Variants in IGFL2 observed in about 807,000 individuals in gnomAD.
The protein encoded by IGFL2 is IGF like family member 2, also known as insulin growth factor-like family member 2.
Under a neutral mutation model 13.9 loss-of-function variants are expected in IGFL2, and 7 were observed. The observed-to-expected ratio is 0.51, with a 90% CI of 0.29 to 0.95. The LOEUF (loss-of-function observed/expected upper bound fraction) is 0.95. Among genes scored for constraint, IGFL2 ranks in the 40% least tolerant of loss-of-function variants. The pLI is 0.08. For synonymous variants in IGFL2, 55 were observed against 55.8 expected (o/e 0.99, Z 0.07); for missense variants, 138 against 147.8 (o/e 0.93, Z 0.34).
chr19:46,168,855 G>A, the IGFL2 span, among the ~76,000 whole-genome samples: 1 of 65,592 alleles, frequency 1.5e-5, no homozygotes, highest in African/African-American at 7.8e-5. Context: ...TTTTTTCCCT[G>A]TTTTTTTCTG....
At chr19:46,086,388 T>G in the IGFL2 span, among the ~76,000 whole-genome samples, 1 of 152,104 alleles carries the variant, frequency 6.6e-6, no homozygotes, top group Non-Finnish European at 1.5e-5. Flanking sequence ...GCAGTGGTAT[T>G]CCACTGTCCA....
downstream of IGFL2, among the ~76,000 whole-genome samples, chr19:46,161,628 G>A (rs118081498): frequency 5.8e-3 from 875 of 152,116 alleles, 16 homozygotes; most frequent in East Asian, 0.062. Context: ...TCTGAAATTA[G>A]GATTGCAACT....
chr19:46,181,225 C>A, the IGFL2 span: 4 of 149,310 alleles, frequency 2.7e-5, no homozygotes, highest in Admixed American at 1.3e-4. Flanking sequence ...TTATTTATTT[C>A]TTATTCCAGC....
the IGFL2 span, among the ~76,000 whole-genome samples, chr19:46,126,664 C>G: frequency 6.6e-6 from 1 of 152,208 alleles, no homozygotes; most frequent in Non-Finnish European, 1.5e-5. Context: ...AAATTTACGT[C>G]ATCGTCTTCT....
At chr19:46,123,910 G>A in the IGFL2 span, 1 of 1,611,120 alleles carries the variant, frequency 6.2e-7, no homozygotes, top group Non-Finnish European at 8.5e-7. Flanking sequence ...GGAGATGGGA[G>A]ATAAGTGACA....
chr19:46,165,538 A>T (rs534315598), downstream of IGFL2, among the ~76,000 whole-genome samples: 106 of 152,238 alleles, frequency 7.0e-4, 1 homozygote, highest in African/African-American at 2.3e-3. Flanking sequence ...GGAGCACATT[A>T]ACTAGCACAG....
the IGFL2 span, chr19:46,113,139 T>G: frequency 6.4e-6 from 1 of 157,098 alleles, no homozygotes. Flanking sequence ...GAAATACATC[T>G]GAGATGAGAC....
At chr19:46,136,029 T>C in the IGFL2 span, among the ~76,000 whole-genome samples, 33 of 152,078 alleles carry the variant, frequency 2.2e-4, no homozygotes, top group African/African-American at 7.7e-4. Context: ...ATATTTTTTC[T>C]TTATATTGAC....
chr19:46,089,266 CT>C, the IGFL2 span, among the ~76,000 whole-genome samples: 3 of 152,306 alleles, frequency 2.0e-5, no homozygotes, highest in East Asian at 1.9e-4. Context: ...CACCTCTACA[CT>C]TTTACTGCTC....
the IGFL2 span, among the ~76,000 whole-genome samples, chr19:46,079,171 C>G: frequency 6.7e-6 from 1 of 148,198 alleles, no homozygotes; most frequent in Non-Finnish European, 1.5e-5. Flanking sequence ...CGGCTTTGGC[C>G]GCCATGTTTT....
the IGFL2 span, among the ~76,000 whole-genome samples, chr19:46,081,471 G>T: frequency 2.0e-5 from 3 of 152,090 alleles, no homozygotes; most frequent in East Asian, 3.9e-4. Context: ...ACTCGTGTCC[G>T]CTTTCTGGTC....
intron 1 of IGFL2, among the ~76,000 whole-genome samples, chr19:46,153,529 T>G (rs1973628124): frequency 6.6e-6 from 1 of 152,164 alleles, no homozygotes; most frequent in African/African-American, 2.4e-5. Context: ...AAAATCAGAT[T>G]CTTTATTTTT....
chr19:46,193,610 A>T, the IGFL2 span, among the ~76,000 whole-genome samples: 1 of 152,004 alleles, frequency 6.6e-6, no homozygotes, highest in African/African-American at 2.4e-5. Flanking sequence ...GGTTGCTAAG[A>T]TCTATGGTAA....
the IGFL2 span, among the ~76,000 whole-genome samples, chr19:46,083,365 A>G: frequency 6.6e-6 from 1 of 152,224 alleles, no homozygotes; most frequent in African/African-American, 2.4e-5. Flanking sequence ...TAAGAAATGG[A>G]TATGTGCTCT....
chr19:46,188,376 G>T, the IGFL2 span, among the ~76,000 whole-genome samples: 1 of 152,000 alleles, frequency 6.6e-6, no homozygotes, highest in Admixed American at 6.6e-5. Context: ...TAAGTGAAAG[G>T]TCCATCCCCA....
At chr19:46,137,051 G>C in the IGFL2 span, 2 of 1,593,808 alleles carry the variant, frequency 1.3e-6, no homozygotes, top group Non-Finnish European at 1.7e-6. Flanking sequence ...GATCACTGAT[G>C]GACGAGCCAA....
chr19:46,154,660 A>G lies in IGFL2; in HGVS notation c.20-5755A>G, dbSNP rs527848299. ...GAGACGGGGTTTCACTGTGCTTGCC[A>G]GGATGGTCTGGATCTCCTGACCTCG... is the stretch of plus-strand genomic sequence containing the variant. On this transcript the variant is annotated intron_variant, in intron 1 of 3. Transcript: ENST00000377693. Among the ~76,000 whole-genome samples, 293 of 152,024 alleles carry G rather than the reference A, an allele frequency of 1.9e-3. 2 individuals carry two copies. Among genetic ancestry groups the G allele is most frequent in the African/African-American group, 5.3e-3 (218 of 41,474 alleles).
At chr19:46,169,483 T>G in the IGFL2 span, among the ~76,000 whole-genome samples, 7 of 152,094 alleles carry the variant, frequency 4.6e-5, no homozygotes, top group South Asian at 6.2e-4. Flanking sequence ...GTTTTCAAGG[T>G]GGATAAATAA....
chr19:46,114,825 T>G, the IGFL2 span, among the ~76,000 whole-genome samples: 1 of 152,210 alleles, frequency 6.6e-6, no homozygotes, highest in Non-Finnish European at 1.5e-5. Context: ...CAGGCAGCTC[T>G]TCATAGCAGT....
Sources: allele counts gnomAD v4.1 joint callset (sites outside exome capture counted in the v4.1 genomes callset), GRCh38; gene constraint gnomAD v4.1.1; transcripts MANE v1.5; gene names NCBI Gene and HGNC (gene_info 2026-07-23, HGNC 2026-07-21).